KRT80: variants seen among roughly 807,000 people sequenced by gnomAD.
KRT80 encodes the protein keratin, type II cytoskeletal 80.
In KRT80, 36 loss-of-function variants were observed where a neutral mutation model predicts 51.5. The ratio of observed to expected loss-of-function variants is 0.70; its 90% CI spans 0.54 to 0.92. KRT80 has a LOEUF of 0.92. Among genes scored for constraint, KRT80 ranks in the 40% least tolerant of loss-of-function variants. The pLI, the probability that KRT80 is intolerant of heterozygous loss-of-function variation, is 0.00. For synonymous variants in KRT80, 235 were observed against 248.3 expected, an observed-to-expected ratio of 0.95 and a Z score of 0.50; for missense variants, 566 against 591.7, an observed-to-expected ratio of 0.96 and a Z score of 0.45.
At chr12:52,185,117 G>C (rs956553187) in intron 2 of KRT80, among the ~76,000 whole-genome samples, 2 of 152,212 alleles carry the variant, frequency 1.3e-5, no homozygotes, top group Non-Finnish European at 2.9e-5. Context: ...GGGCCAGCAG[G>C]CACAGGGTTT....
At chr12:52,173,492 T>C in intron 5 of KRT80, 108 bp downstream of exon 5, 2 of 675,452 alleles carry the variant, frequency 3.0e-6, no homozygotes, top group South Asian at 3.1e-5. Flanking sequence ...TCTCATAGAC[T>C]TTCAGGACAG....
Position 52,185,557 on chromosome 12 carries a change from G to C in KRT80, c.331C>G (p.Leu111Val). The change falls in exon 2 of 9, where the codon CTG becomes GTG. Residue 111 changes from leucine (L) to valine (V), a missense_variant. Transcript: ENST00000394815. ...VQALEQRNQLLETRWSFLQGQ... is the reference protein window; with the variant it reads ...VQALEQRNQLVETRWSFLQGQ... ...TGCAGGAAGCTCCAGCGTGTCTCCA[G>C]CAGCTGGTTGCGCTGTTCCAGGGCT... is the stretch of plus-strand genomic sequence containing the variant. 1 of 1,611,136 alleles carries C rather than the reference G, an allele frequency of 6.2e-7. No individual in the cohort carries two copies. Among genetic ancestry groups the C allele is most frequent in the Non-Finnish European group, 8.5e-7 (1 of 1,180,002 alleles).
chr12:52,191,182 G>C (rs1324101631), intron 1 of KRT80, among the ~76,000 whole-genome samples: 1 of 152,162 alleles, frequency 6.6e-6, no homozygotes, highest in Non-Finnish European at 1.5e-5. Flanking sequence ...CCAGAGGCTT[G>C]AGGGATAAAC....
At chr12:52,191,520 T>C in intron 1 of KRT80, 83 bp downstream of exon 1, 1 of 1,368,308 alleles carries the variant, frequency 7.3e-7, no homozygotes, top group Non-Finnish European at 1.0e-6. Flanking sequence ...GGCGCGGTGA[T>C]CGATGCTCAG....
At position 52,169,409 on chromosome 12, in the gene KRT80, C is replaced by T. The variant is rs1180446798; in HGVS notation, c.*1989G>A. On this transcript the variant is annotated 3_prime_UTR_variant, in exon 9 of 9. Coordinates refer to ENST00000394815, the MANE Select transcript of KRT80 (RefSeq NM_182507.3). ...CAGCTGCACTGGTCTGAAGATATAACTAAGTCCCTGGACTTTTTCTCCCTT... is the reference window on the plus strand; with the variant it reads ...CAGCTGCACTGGTCTGAAGATATAATTAAGTCCCTGGACTTTTTCTCCCTT... 6.6e-6 allele frequency: 1 copy of T among 152,552 alleles called. No homozygotes were observed. The highest frequency in any genetic ancestry group is 1.5e-5 in the Non-Finnish European group (1 of 68,048). The allele number at this position is 152,552 out of a possible 1,614,324, so 9.4% of individuals were successfully genotyped here.
intron 4 of KRT80, 149 bp from the exon 5 acceptor site, chr12:52,173,913 T>C (rs1592357542): frequency 1.3e-6 from 1 of 796,730 alleles, no homozygotes; most frequent in East Asian, 2.7e-5. Flanking sequence ...GCCGAATGCC[T>C]CCCTGCCACG....
At position 52,173,815 on chromosome 12, in the gene KRT80, AC is replaced by A. The variant is rs774715482; in HGVS notation, c.667-52del. 6.4e-5 allele frequency: 100 copies of A among 1,564,354 alleles called. 2 individuals are homozygous for A. The South Asian group carries it at 1.1e-3, about 17-fold the overall frequency. Reference sequence around the variant, plus strand: ...CAGGGCTGGTGGGGAGGGCACAAGGACCCTCAGCCCCACACAGTCACTTTGT... The same window carrying A: ...CAGGGCTGGTGGGGAGGGCACAAGGACCTCAGCCCCACACAGTCACTTTGT... On this transcript the variant is annotated intron_variant, in intron 4 of 8. Transcript: ENST00000394815.
At chr12:52,186,693 T>C (rs1465190059) in intron 1 of KRT80, among the ~76,000 whole-genome samples, 2 of 152,172 alleles carry the variant, frequency 1.3e-5, no homozygotes. Context: ...CAGCTACCCT[T>C]CATGGGCTGG....
intron 2 of KRT80, among the ~76,000 whole-genome samples, chr12:52,182,735 G>A (rs184641253): frequency 1.7e-3 from 262 of 152,296 alleles, no homozygotes; most frequent in Admixed American, 3.3e-3. Context: ...GACACCAGGA[G>A]TCAGGGGACT....
intron 6 of KRT80, 106 bp from the exon 7 acceptor site, chr12:52,172,524 AG>A: frequency 4.0e-6 from 4 of 994,420 alleles, no homozygotes; most frequent in Middle Eastern, 3.0e-4. Context: ...GTGGGGAGGG[AG>A]GGCTGAGCAA....
chr12:52,185,873 G>A, intron 1 of KRT80: 1 of 496,810 alleles, frequency 2.0e-6, no homozygotes, highest in Non-Finnish European at 3.6e-6. Context: ...GGGTGTGAGA[G>A]TGCCAAGCAT....
At chr12:52,186,596 G>T in intron 1 of KRT80, among the ~76,000 whole-genome samples, 1 of 152,214 alleles carries the variant, frequency 6.6e-6, no homozygotes, top group East Asian at 1.9e-4. Context: ...GCCAGGCCTG[G>T]AATCCAGGAA....
At chr12:52,172,629 C>T (rs1033793925) in intron 6 of KRT80, among the ~76,000 whole-genome samples, 29 of 152,122 alleles carry the variant, frequency 1.9e-4, no homozygotes, top group Non-Finnish European at 4.3e-4. Context: ...AGGAAAGCAC[C>T]GCAAGCCACT....
chr12:52,187,604 T>C (rs989832031), intron 1 of KRT80, among the ~76,000 whole-genome samples: 9 of 152,202 alleles, frequency 5.9e-5, no homozygotes, highest in African/African-American at 2.2e-4. Flanking sequence ...GATGATGGCG[T>C]TTGACGGTAT....
intron 2 of KRT80, among the ~76,000 whole-genome samples, chr12:52,181,634 C>CAGGCCGCAT (rs1455377311): frequency 6.6e-6 from 1 of 152,230 alleles, no homozygotes; most frequent in Non-Finnish European, 1.5e-5. Flanking sequence ...CAGCCAGCTA[C>CAGGCCGCAT]AGGCCGCATA....
At position 52,180,520 on chromosome 12, in the gene KRT80, T is replaced by C. The variant is rs780981659; in HGVS notation, c.659A>G (p.Tyr220Cys). The C allele has an allele frequency of 1.8e-5, 27 of 1,465,334 alleles. No individual in the cohort carries two copies. Among genetic ancestry groups the C allele is most frequent in the Non-Finnish European group, 2.3e-5 (26 of 1,108,372 alleles). The allele number at this position is 1,465,334 out of a possible 1,614,324, so 90.8% of individuals were successfully genotyped here. Reference protein sequence around the residue: ...ESFVELMKTIYEQELKDLAAQ... With the variant: ...ESFVELMKTICEQELKDLAAQ... Reference sequence around the variant, plus strand: ...TGGCCCCATCTCACTCACCTGCTCATAGATGGTTTTCATCAACTCCACGAA... The same window carrying C: ...TGGCCCCATCTCACTCACCTGCTCACAGATGGTTTTCATCAACTCCACGAA... Residue 220 changes from tyrosine to cysteine, a missense_variant, in exon 4 of 9, where the codon TAT becomes TGT. Transcript: ENST00000394815.
chr12:52,186,317 T>C (rs1018485199), intron 1 of KRT80, among the ~76,000 whole-genome samples: 1 of 152,110 alleles, frequency 6.6e-6, no homozygotes, highest in African/African-American at 2.4e-5. Context: ...CCTCCAGCAC[T>C]GAGGCCTTCA....
At chr12:52,184,822 T>C (rs896715946) in intron 2 of KRT80, among the ~76,000 whole-genome samples, 7 of 152,214 alleles carry the variant, frequency 4.6e-5, no homozygotes, top group African/African-American at 7.2e-5. Flanking sequence ...CTGTTTTCCT[T>C]ATCTGTCTCT....
In KRT80 at chr12:52,170,591, C is replaced by T. The variant is rs1032671418; in HGVS notation, c.*807G>A. ...CATGGCAGGGAGGTGAAAGGAAGAT[C>T]GAATGCTCCTGCCCAATCTCAAGCT... On this transcript the variant is annotated 3_prime_UTR_variant, in exon 9 of 9. Transcript: ENST00000394815. The T allele has an allele frequency of 2.0e-5, 3 of 152,206 alleles. No homozygotes were observed. The highest frequency in any genetic ancestry group is 7.2e-5 in the African/African-American group (3 of 41,450). The allele number at this position is 152,206 out of a possible 1,614,324, so 9.4% of individuals were successfully genotyped here. A position where few individuals can be genotyped will look rare whatever the true frequency, so the allele number is the denominator to read the frequency against.
Sources: allele counts gnomAD v4.1 joint callset (sites outside exome capture counted in the v4.1 genomes callset), GRCh38; gene constraint gnomAD v4.1.1; transcripts MANE v1.5; gene names NCBI Gene and HGNC (gene_info 2026-07-23, HGNC 2026-07-21).